Variants in C2orf66 observed in about 807,000 individuals in gnomAD.
C2orf66 encodes the protein uncharacterized protein C2orf66.
Under a neutral mutation model 7.0 loss-of-function variants are expected in C2orf66, and 6 were observed. The ratio of observed to expected loss-of-function variants is 0.86; its 90% CI spans 0.47 to 1.69. The LOEUF is 1.69. Among genes scored for constraint, C2orf66 ranks in the 40% most tolerant of loss-of-function variants. The pLI is 0.01. For missense variants in C2orf66, 107 were observed against 112.0 expected (o/e 0.96, Z 0.20); for synonymous variants, 38 against 43.8 (o/e 0.87, Z 0.52).
upstream of C2orf66, among the ~76,000 whole-genome samples, chr2:196,813,453 A>G (rs540229414): frequency 6.6e-6 from 1 of 152,328 alleles, no homozygotes; most frequent in Admixed American, 6.5e-5. Flanking sequence ...ACTTAAACGT[A>G]AGACCTAAAA....
the C2orf66 span, among the ~76,000 whole-genome samples, chr2:196,830,702 C>T: frequency 6.6e-6 from 1 of 152,138 alleles, no homozygotes; most frequent in East Asian, 1.9e-4. Context: ...CTCTCTCTTA[C>T]ACTGTTTTAA....
chr2:196,813,207 A>C (rs1304865325), upstream of C2orf66, among the ~76,000 whole-genome samples: 1 of 152,238 alleles, frequency 6.6e-6, no homozygotes, highest in Non-Finnish European at 1.5e-5. Flanking sequence ...CCAAAACAGC[A>C]TGGTACTGGT....
upstream of C2orf66, chr2:196,809,490 C>G (rs934443830): frequency 6.4e-6 from 7 of 1,092,706 alleles, no homozygotes; most frequent in Non-Finnish European, 9.2e-6. Context: ...TTACAGCCAT[C>G]TTTTTTCCAG....
chr2:196,827,003 C>A, the C2orf66 span, among the ~76,000 whole-genome samples: 3 of 151,874 alleles, frequency 2.0e-5, no homozygotes, highest in Non-Finnish European at 4.4e-5. Context: ...TGCACTCTAG[C>A]CTTGACGACA....
chr2:196,808,601 A>C (rs1200800666), intron 1 of C2orf66, among the ~76,000 whole-genome samples: 1 of 152,086 alleles, frequency 6.6e-6, no homozygotes, highest in Non-Finnish European at 1.5e-5. Flanking sequence ...GTTTATTTTA[A>C]TCCTATGTTG....
At position 196,809,119 on chromosome 2, in the gene C2orf66, C is replaced by T. The variant is rs184460053; in HGVS notation, c.123+95G>A. The T allele has an allele frequency of 5.4e-5, 71 of 1,314,910 alleles. No individual in the cohort carries two copies. The African/African-American group carries it at 9.9e-4, about 18-fold the overall frequency. The allele number at this position is 1,314,910 out of a possible 1,614,324, so 81.5% of individuals were successfully genotyped here. A position where few individuals can be genotyped will look rare whatever the true frequency, so the allele number is the denominator to read the frequency against. On this transcript the variant is annotated intron_variant, in intron 1 of 2. Transcript: ENST00000342506. Reference sequence around the variant, plus strand: ...AATTTTCTCAACCCTTGGTAGCCCCCTTTCCACTACGTTCTGGAAAACAGA... The same window carrying T: ...AATTTTCTCAACCCTTGGTAGCCCCTTTTCCACTACGTTCTGGAAAACAGA...
At chr2:196,819,674 A>C in the C2orf66 span, among the ~76,000 whole-genome samples, 2 of 152,188 alleles carry the variant, frequency 1.3e-5, no homozygotes, top group Non-Finnish European at 2.9e-5. Flanking sequence ...TTGATTCTTC[A>C]GAGCTTGGTC....
the C2orf66 span, among the ~76,000 whole-genome samples, chr2:196,827,773 T>C: frequency 6.6e-6 from 1 of 152,178 alleles, no homozygotes; most frequent in African/African-American, 2.4e-5. Context: ...GTAAAAAGCA[T>C]GGTGATTGTC....
chr2:196,827,970 T>C, the C2orf66 span, among the ~76,000 whole-genome samples: 2 of 152,168 alleles, frequency 1.3e-5, no homozygotes, highest in Non-Finnish European at 2.9e-5. Context: ...TCTCCAAACA[T>C]AGTCAAAAGA....
chr2:196,806,057 G>A (rs1367533106), intron 2 of C2orf66, among the ~76,000 whole-genome samples: 1 of 152,098 alleles, frequency 6.6e-6, no homozygotes, highest in African/African-American at 2.4e-5. Context: ...GCACAAGACA[G>A]GCATGCTTCC....
chr2:196,818,833 G>A, the C2orf66 span, among the ~76,000 whole-genome samples: 1 of 152,196 alleles, frequency 6.6e-6, no homozygotes, highest in Non-Finnish European at 1.5e-5. Flanking sequence ...CAGGTCTTTG[G>A]CAGGCAGGCT....
the C2orf66 span, among the ~76,000 whole-genome samples, chr2:196,825,223 A>C: frequency 9.5e-6 from 1 of 104,942 alleles, no homozygotes; most frequent in East Asian, 2.2e-4. Context: ...ACTCTGTCTC[A>C]AAAAAAAAAA....
upstream of C2orf66, among the ~76,000 whole-genome samples, chr2:196,814,157 G>T (rs1259351057): frequency 1.3e-5 from 2 of 152,108 alleles, no homozygotes; most frequent in Non-Finnish European, 2.9e-5. Context: ...CAATAGCAAA[G>T]ACTTGGAACC....
At chr2:196,827,238 C>CAA in the C2orf66 span, among the ~76,000 whole-genome samples, 258 of 40,266 alleles carry the variant, frequency 6.4e-3, no homozygotes, top group African/African-American at 0.021. Flanking sequence ...GATTCTGTCT[C>CAA]AAAAAAAAAA....
upstream of C2orf66, among the ~76,000 whole-genome samples, chr2:196,813,083 T>C (rs989478368): frequency 2.0e-5 from 3 of 152,012 alleles, no homozygotes; most frequent in East Asian, 1.9e-4. Flanking sequence ...ACAACTACTG[T>C]AAATTTCATA....
the C2orf66 span, chr2:196,832,029 C>G: frequency 6.6e-6 from 1 of 152,030 alleles, no homozygotes; most frequent in East Asian, 1.9e-4. Flanking sequence ...AAAATTTTTT[C>G]TCACGTCAGA....
chr2:196,829,469 A>G, the C2orf66 span, among the ~76,000 whole-genome samples: 4 of 151,928 alleles, frequency 2.6e-5, no homozygotes. Context: ...GACGCCTGTA[A>G]TCCCAGCTAC....
At chr2:196,808,973 G>A (rs1279417780) in intron 1 of C2orf66, among the ~76,000 whole-genome samples, 1 of 152,168 alleles carries the variant, frequency 6.6e-6, no homozygotes, top group African/African-American at 2.4e-5. Context: ...TACTATGTGT[G>A]TATAAGATTG....
At chr2:196,808,687 T>A (rs949136611) in intron 1 of C2orf66, among the ~76,000 whole-genome samples, 1 of 152,082 alleles carries the variant, frequency 6.6e-6, no homozygotes, top group Non-Finnish European at 1.5e-5. Context: ...GTATTTGGCA[T>A]TTTTTTTAAA....
Sources: allele counts gnomAD v4.1 joint callset (sites outside exome capture counted in the v4.1 genomes callset), GRCh38; gene constraint gnomAD v4.1.1; transcripts MANE v1.5; gene names NCBI Gene and HGNC (gene_info 2026-07-23, HGNC 2026-07-21).